Variants in SMARCA2 observed in about 807,000 individuals in gnomAD.
SMARCA2 encodes the protein SWI/SNF related BAF chromatin remodeling complex subunit ATPase 2, also known as SWI/SNF-related matrix-associated actin-dependent regulator of chromatin subfamily A member 2.
Under a neutral mutation model 199.8 loss-of-function variants are expected in SMARCA2, and 61 were observed. That is an observed-to-expected ratio of 0.31 (90% CI 0.25 to 0.38). The LOEUF is 0.38. SMARCA2 is among the 10% of genes least tolerant of loss of function. SMARCA2 has a pLI of 1.00. For missense variants in SMARCA2, 1,344 were observed against 2,012.2 expected (o/e 0.67, Z 6.35); for synonymous variants, 935 against 732.0 (o/e 1.28, Z -4.48).
At chr9:2,044,644 G>A (rs924138039) in intron 4 of SMARCA2, 10 of 152,284 alleles carry the variant, frequency 6.6e-5, no homozygotes, top group African/African-American at 2.4e-4. Context: ...TATAGATGAG[G>A]ACACTGAGCC....
intron 28 of SMARCA2, chr9:2,162,967 T>C (rs890015247): frequency 6.6e-6 from 1 of 152,266 alleles, no homozygotes; most frequent in Non-Finnish European, 1.5e-5. Context: ...TTACCAGAAA[T>C]GTTTGACATT....
At chr9:2,045,581 T>C (rs986055200) in intron 4 of SMARCA2, 2 of 152,134 alleles carry the variant, frequency 1.3e-5, no homozygotes, top group African/African-American at 4.8e-5. Flanking sequence ...AGGTATGCAT[T>C]ACATAAAGGA....
At chr9:2,139,790 C>T (rs929117919) in intron 27 of SMARCA2, among the ~76,000 whole-genome samples, 1 of 152,154 alleles carries the variant, frequency 6.6e-6, no homozygotes, top group African/African-American at 2.4e-5. Context: ...CTTGTAACAT[C>T]AGGGAAAAAT....
chr9:2,086,503 G>A lies in SMARCA2; in HGVS notation c.2527-326G>A, dbSNP rs1821809749. On this transcript the variant is annotated intron_variant, in intron 17 of 33. Transcript: ENST00000349721. This position sits in a 1 kb window ranked among gnomAD's most constrained non-coding sequence, Gnocchi z 4.3. ...TAGCTGTCATGATAACGTATTAATA[G>A]AAGGGGCATTGGATGGGGAGAGGCA... Among the ~76,000 whole-genome samples the A allele has an allele frequency of 3.9e-5, 6 of 152,194 alleles. No homozygotes were observed. The highest frequency in any genetic ancestry group is 3.9e-4 in the Admixed American group (6 of 15,280).
At chr9:2,057,289 A>G (rs1586656581) in intron 7 of SMARCA2, among the ~76,000 whole-genome samples, 1 of 152,328 alleles carries the variant, frequency 6.6e-6, no homozygotes, top group East Asian at 1.9e-4. Context: ...GAAGCAGGCC[A>G]AGAAAGCTCT....
At chr9:2,130,925 G>A (rs1418430762) in intron 27 of SMARCA2, among the ~76,000 whole-genome samples, 2 of 152,220 alleles carry the variant, frequency 1.3e-5, no homozygotes, top group Admixed American at 1.3e-4. Context: ...CCGTAAGGCA[G>A]TCATCATTAT....
intron 27 of SMARCA2, among the ~76,000 whole-genome samples, chr9:2,155,000 C>A (rs762279764): frequency 1.3e-5 from 2 of 152,136 alleles, no homozygotes; most frequent in Non-Finnish European, 2.9e-5. Context: ...TCCATTGTTT[C>A]TCTAAGTCTC....
chr9:2,057,476 C>T (rs1019102631), intron 7 of SMARCA2, among the ~76,000 whole-genome samples: 2 of 152,158 alleles, frequency 1.3e-5, no homozygotes, highest in Non-Finnish European at 2.9e-5. Flanking sequence ...TTCATAATCC[C>T]ATGGGAAGTT....
At chr9:2,033,165 A>T in intron 3 of SMARCA2, 84 bp downstream of exon 3, 2 of 1,489,018 alleles carry the variant, frequency 1.3e-6, no homozygotes, top group Non-Finnish European at 1.8e-6. Flanking sequence ...TATGAATTCC[A>T]AAGAATGTGT....
In SMARCA2 at chr9:2,070,468, A is replaced by G; in HGVS notation, c.1743A>G (p.Gly581=). ...GGGAGTCTGCCCTGGGACCGGATGG[A>G]GAGGTAAGGGATCGTCATCCTTTCC... ...EGGESALGPD[G]EPIDESSQMS... The change falls in exon 10 of 34, where the codon GGA becomes GGG. Residue 581 remains glycine (G), a synonymous_variant. Transcript: ENST00000349721. 6.2e-7 allele frequency: 1 copy of G among 1,612,186 alleles called. No individual in the cohort carries two copies. The highest frequency in any genetic ancestry group is 1.1e-5 in the South Asian group (1 of 91,012).
intron 3 of SMARCA2, among the ~76,000 whole-genome samples, chr9:2,038,901 G>T (rs954424035): frequency 6.6e-6 from 1 of 152,046 alleles, no homozygotes. Flanking sequence ...CCAAGTGTTC[G>T]CTCTTCACCT....
At chr9:2,015,800 A>C (rs1818329141) in intron 1 of SMARCA2, among the ~76,000 whole-genome samples, 1 of 152,214 alleles carries the variant, frequency 6.6e-6, no homozygotes. Context: ...CTGCCAACTC[A>C]AGGTTGCAAC....
chr9:2,128,783 G>A (rs1823806631), intron 27 of SMARCA2, among the ~76,000 whole-genome samples: 2 of 152,150 alleles, frequency 1.3e-5, no homozygotes, highest in East Asian at 3.9e-4. Flanking sequence ...CAGTTTTAGT[G>A]CCTCATTATC....
In SMARCA2 at chr9:2,169,179, C is replaced by A. The variant is rs6475541; in HGVS notation, c.4200-1240C>A. On this transcript the variant is annotated intron_variant, in intron 28 of 33. Coordinates refer to ENST00000349721, the MANE Select transcript of SMARCA2 (RefSeq NM_003070.5). The surrounding 1 kb of genome is among the most constrained non-coding windows in gnomAD (Gnocchi z 6.5). Reference sequence around the variant, plus strand: ...GACACCCGTTCACCTGCCTCCTCACCCCCTGTCTTCCTGAGGCCCTTGCAC... The same window carrying A: ...GACACCCGTTCACCTGCCTCCTCACACCCTGTCTTCCTGAGGCCCTTGCAC... 0.8 allele frequency among the ~76,000 whole-genome samples: 121,338 copies of A among 152,020 alleles called. 48,988 individuals carry two copies. Among genetic ancestry groups the A allele is most frequent in the African/African-American group, 0.92 (38,272 of 41,476 alleles).
At chr9:2,176,802 C>G (rs1410306969) in intron 29 of SMARCA2, among the ~76,000 whole-genome samples, 2 of 151,922 alleles carry the variant, frequency 1.3e-5, no homozygotes, top group African/African-American at 2.4e-5. Context: ...AAGTGATCAG[C>G]CTGCCTCAGC....
chr9:2,054,747 C>G (rs1203299013), intron 6 of SMARCA2, 24 bp downstream of exon 6: 8 of 1,612,592 alleles, frequency 5.0e-6, no homozygotes, highest in South Asian at 2.2e-5. Context: ...CCCAGTGAAT[C>G]TGAGATGTAG....
intron 1 of SMARCA2, among the ~76,000 whole-genome samples, chr9:2,018,472 A>G (rs1301303861): frequency 6.6e-6 from 1 of 152,204 alleles, no homozygotes; most frequent in African/African-American, 2.4e-5. Context: ...GTCATTATGT[A>G]GGCATGTATG....
chr9:2,067,280 C>G (rs1198360686), intron 9 of SMARCA2, among the ~76,000 whole-genome samples: 1 of 152,204 alleles, frequency 6.6e-6, no homozygotes, highest in African/African-American at 2.4e-5. Flanking sequence ...AAGCATTGTT[C>G]TTTGTGCTTT....
Position 2,169,932 on chromosome 9 carries a change from C to G in SMARCA2, c.4200-487C>G, listed in dbSNP as rs887992246. ...TGACTAGTTAGATGGTGTTCAGACC[C>G]AAATTGGCTGATGCTTGGAATACCT... On this transcript the variant is annotated intron_variant, in intron 28 of 33. Coordinates refer to ENST00000349721, the MANE Select transcript of SMARCA2 (RefSeq NM_003070.5). This position sits in a 1 kb window ranked among gnomAD's most constrained non-coding sequence, Gnocchi z 6.5. 2.6e-5 allele frequency among the ~76,000 whole-genome samples: 4 copies of G among 152,182 alleles called. No individual in the cohort carries two copies. Among genetic ancestry groups the G allele is most frequent in the Non-Finnish European group, 4.4e-5 (3 of 68,026 alleles).
Sources: gnomAD v4.1 joint callset for allele counts (sites outside exome capture counted in the v4.1 genomes callset) on GRCh38, gnomAD v4.1.1 for gene constraint, Gnocchi (gnomAD v3.1) non-coding constraint, MANE v1.5 for transcripts, NCBI Gene and HGNC (gene_info 2026-07-23, HGNC 2026-07-21) for gene names.